Variants in BAZ1B observed in about 807,000 individuals in gnomAD.
BAZ1B encodes tyrosine-protein kinase BAZ1B.
Under a neutral mutation model 153.8 loss-of-function variants are expected in BAZ1B, and 22 were observed. The ratio of observed to expected loss-of-function variants is 0.14; its 90% CI spans 0.10 to 0.20. The LOEUF (loss-of-function observed/expected upper bound fraction) is 0.20. Among genes scored for constraint, BAZ1B ranks in the 10% least tolerant of loss-of-function variants. The pLI is 1.00. For missense variants in BAZ1B, 1,325 were observed against 1,799.3 expected (o/e 0.74, Z 4.77); for synonymous variants, 676 against 633.4 (o/e 1.07, Z -1.01).
intron 9 of BAZ1B, among the ~76,000 whole-genome samples, chr7:73,468,554 T>C (rs1788679980): frequency 6.6e-6 from 1 of 152,188 alleles, no homozygotes; most frequent in African/African-American, 2.4e-5. Context: ...ACATACACTT[T>C]AAGAAAGAAT....
intron 11 of BAZ1B, 122 bp from the exon 12 acceptor site, chr7:73,463,221 T>C (rs1379931983): frequency 4.8e-6 from 4 of 839,204 alleles, no homozygotes; most frequent in Non-Finnish European, 7.3e-6. Flanking sequence ...CACCTCTCCC[T>C]GGTGTTTTTT....
In BAZ1B at chr7:73,483,965, C is replaced by A. The variant is rs782045192; in HGVS notation, c.891+5229G>T. ...ATACACAACAAACAAACTTTAAGAG[C>A]GAGACTTTAAAGAAAAATCAGGCCG... is the stretch of plus-strand genomic sequence containing the variant. On this transcript the variant is annotated intron_variant, in intron 6 of 19. Transcript: ENST00000339594. 2.6e-5 allele frequency among the ~76,000 whole-genome samples: 4 copies of A among 152,244 alleles called. No individual in the cohort carries two copies. In the East Asian group the frequency reaches 7.7e-4, roughly 29 times the overall value.
intron 1 of BAZ1B, among the ~76,000 whole-genome samples, chr7:73,520,331 C>T (rs1554579982): frequency 6.6e-6 from 1 of 152,094 alleles, no homozygotes; most frequent in Admixed American, 6.6e-5. Context: ...GATCACCACC[C>T]CTCCACTTTA....
chr7:73,461,974 C>T (rs1436350213), intron 12 of BAZ1B, among the ~76,000 whole-genome samples: 1 of 152,138 alleles, frequency 6.6e-6, no homozygotes, highest in Non-Finnish European at 1.5e-5. Context: ...GCTATGTTGC[C>T]CAGGCTGGTC....
At chr7:73,453,804 C>T (rs1788096673) in intron 13 of BAZ1B, among the ~76,000 whole-genome samples, 1 of 150,764 alleles carries the variant, frequency 6.6e-6, no homozygotes, top group African/African-American at 2.4e-5. Flanking sequence ...CATGGTGAAA[C>T]CTTGCCTCTA....
chr7:73,473,247 A>G (rs73362331), intron 7 of BAZ1B, among the ~76,000 whole-genome samples: 13,945 of 152,142 alleles, frequency 0.092, 1,034 homozygotes, highest in East Asian at 0.37. Flanking sequence ...GCCTGTTCAT[A>G]TGTCTTTAAA....
intron 12 of BAZ1B, chr7:73,462,676 A>C (rs1192960315): frequency 6.1e-6 from 3 of 489,282 alleles, no homozygotes; most frequent in Non-Finnish European, 1.1e-5. Context: ...CATTCACCTT[A>C]GTAGTGAAGC....
chr7:73,499,312 G>C (rs1488465996), intron 3 of BAZ1B, among the ~76,000 whole-genome samples: 2 of 152,156 alleles, frequency 1.3e-5, no homozygotes, highest in Non-Finnish European at 2.9e-5. Flanking sequence ...ACAGGCGTGA[G>C]CCACGGTGCC....
chr7:73,520,958 A>C (rs1791011985), intron 1 of BAZ1B, among the ~76,000 whole-genome samples: 1 of 152,216 alleles, frequency 6.6e-6, no homozygotes, highest in Non-Finnish European at 1.5e-5. Flanking sequence ...ACCCATTAAA[A>C]AAAAGCAAAT....
rs556961073 is a variant in BAZ1B at position 73,471,951 on chromosome 7, A to G, written c.2594-1468T>C. On this transcript the variant is annotated intron_variant, in intron 7 of 19. Transcript: ENST00000339594. The stretch of plus-strand genomic sequence containing the variant: ...AGTTCAGTCTCCCAAGACTACAAAC[A>G]AACATAAACCAACTTAGGACAAGTC... Among the ~76,000 whole-genome samples the G allele has an allele frequency of 3.3e-5, 5 of 152,280 alleles. No individual in the cohort carries two copies. In the East Asian group the frequency reaches 9.6e-4, roughly 29 times the overall value.
At chr7:73,505,575 G>A (rs1377449779) in intron 3 of BAZ1B, among the ~76,000 whole-genome samples, 1 of 152,050 alleles carries the variant, frequency 6.6e-6, no homozygotes, top group East Asian at 1.9e-4. Context: ...CAAGGAATGG[G>A]CTGAAGAACA....
intron 12 of BAZ1B, among the ~76,000 whole-genome samples, chr7:73,461,043 T>C (rs1788377655): frequency 1.3e-5 from 2 of 152,050 alleles, no homozygotes; most frequent in Admixed American, 1.3e-4. Flanking sequence ...TGGCGCGATC[T>C]CAGCTCACTG....
intron 13 of BAZ1B, among the ~76,000 whole-genome samples, chr7:73,457,270 T>C (rs2116264690): frequency 6.6e-6 from 1 of 152,218 alleles, no homozygotes; most frequent in East Asian, 1.9e-4. Context: ...ATCAGCCTCC[T>C]GAGTTCAAGC....
chr7:73,471,824 G>C (rs1475817472), intron 7 of BAZ1B, among the ~76,000 whole-genome samples: 2 of 151,070 alleles, frequency 1.3e-5, no homozygotes, highest in African/African-American at 2.4e-5. Context: ...GTGAAACTGT[G>C]TATTTGTAAC....
At chr7:73,513,567 A>T (rs1790670853) in intron 1 of BAZ1B, among the ~76,000 whole-genome samples, 1 of 152,198 alleles carries the variant, frequency 6.6e-6, no homozygotes. Flanking sequence ...GAGAAGAGCA[A>T]CGGAACGGCT....
At chr7:73,442,000 A>G (rs745415684) in intron 19 of BAZ1B, 181 bp downstream of exon 19, 4 of 585,338 alleles carry the variant, frequency 6.8e-6, no homozygotes, top group Admixed American at 6.2e-5. Flanking sequence ...TTGTCCCTTC[A>G]TATTTCTGGA....
rs782330279 is a variant in BAZ1B at position 73,476,852 on chromosome 7, C to T, written c.2593+16G>A. ...TTCTACAGAGCTTCCCCTTTTCTCT[C>T]AGCATGAAATTTTACCTTTCATTTC... On this transcript the variant is annotated intron_variant, in intron 7 of 19. Transcript: ENST00000339594. The T allele has an allele frequency of 3.8e-6, 6 of 1,575,440 alleles. No homozygotes were observed. The highest frequency in any genetic ancestry group is 5.1e-6 in the Non-Finnish European group (6 of 1,166,566).
chr7:73,511,061 G>A (rs1043782751), intron 1 of BAZ1B, among the ~76,000 whole-genome samples: 4 of 152,106 alleles, frequency 2.6e-5, no homozygotes, highest in Admixed American at 6.6e-5. Context: ...CACGAGGTCA[G>A]ATCGAGACCA....
At chr7:73,491,426 T>G (rs1202693715) in intron 5 of BAZ1B, among the ~76,000 whole-genome samples, 2 of 151,742 alleles carry the variant, frequency 1.3e-5, no homozygotes, top group African/African-American at 4.8e-5. Flanking sequence ...GTGGTGAAAC[T>G]CTGTCTCTAC....
Sources: allele counts gnomAD v4.1 joint callset (sites outside exome capture counted in the v4.1 genomes callset), GRCh38; gene constraint gnomAD v4.1.1; transcripts MANE v1.5; gene names NCBI Gene and HGNC (gene_info 2026-07-23, HGNC 2026-07-21).